The following PARVB variants were observed in gnomAD, a reference collection of about 807,000 sequenced individuals.
PARVB encodes the protein beta-parvin.
In PARVB, 46 loss-of-function variants were observed where a neutral mutation model predicts 47.0. The ratio of observed to expected loss-of-function variants is 0.98; its 90% CI spans 0.77 to 1.25. The LOEUF is 1.25. Ranked by LOEUF, PARVB falls within the 50% of genes most tolerant of loss-of-function variation. The pLI is 0.00. For missense variants in PARVB, 473 were observed against 471.6 expected, an observed-to-expected ratio of 1.00 and a Z score of -0.03; for synonymous variants, 196 against 196.3, an observed-to-expected ratio of 1.00 and a Z score of 0.01.
intron 1 of PARVB, among the ~76,000 whole-genome samples, chr22:44,046,967 G>A (rs892897915): frequency 6.6e-6 from 1 of 152,162 alleles, no homozygotes; most frequent in Non-Finnish European, 1.5e-5. Context: ...CGGTGTGCGG[G>A]GGGTGGGGAT....
At chr22:44,015,889 C>T (rs149037174) in intron 2 of PARVB, among the ~76,000 whole-genome samples, 14 of 152,214 alleles carry the variant, frequency 9.2e-5, no homozygotes, top group African/African-American at 3.4e-4. Context: ...ACAAATGATA[C>T]ACCTAGCTCT....
chr22:44,018,376 T>A (rs1415062822), intron 2 of PARVB, among the ~76,000 whole-genome samples: 1 of 152,176 alleles, frequency 6.6e-6, no homozygotes, highest in Non-Finnish European at 1.5e-5. Context: ...CACTCCAGCC[T>A]GGGCGACAAG....
At chr22:44,050,982 A>G (rs931034777) in intron 1 of PARVB, among the ~76,000 whole-genome samples, 1 of 152,144 alleles carries the variant, frequency 6.6e-6, no homozygotes, top group Non-Finnish European at 1.5e-5. Flanking sequence ...TGCCACAGGG[A>G]CACCCCTTTC....
chr22:44,055,916 C>A (rs1257027907), intron 1 of PARVB, among the ~76,000 whole-genome samples: 1 of 152,100 alleles, frequency 6.6e-6, no homozygotes, highest in Non-Finnish European at 1.5e-5. Context: ...TCTGTTGTAC[C>A]CAGTCTACCG....
chr22:44,007,831 G>A (rs562514954), intron 2 of PARVB, among the ~76,000 whole-genome samples: 1 of 152,036 alleles, frequency 6.6e-6, no homozygotes, highest in Non-Finnish European at 1.5e-5. Context: ...TCCCAATTCG[G>A]TCCTTCCCAG....
At chr22:44,158,207 A>C in intron 11 of PARVB, 124 bp downstream of exon 11, 1 of 641,220 alleles carries the variant, frequency 1.6e-6, no homozygotes, top group Non-Finnish European at 2.8e-6. Context: ...AAAAATGCAC[A>C]AGTGATATTG....
At chr22:44,052,655 G>T (rs12484230) in intron 1 of PARVB, among the ~76,000 whole-genome samples, 1 of 152,200 alleles carries the variant, frequency 6.6e-6, no homozygotes, top group Admixed American at 6.5e-5. Context: ...ACAAAAGTAG[G>T]TGGGGGGCTG....
In PARVB at chr22:44,087,861, T is replaced by C. The variant is rs1451151279; in HGVS notation, c.113-6067T>C. On this transcript the variant is annotated intron_variant, in intron 1 of 12. Coordinates refer to ENST00000338758, the MANE Select transcript of PARVB (RefSeq NM_013327.5). ...GAACGATGGTGTTTTTTTTTTTTTTTTTCTTTTTTCTTTTTTTTAAACCTT... is the reference window on the plus strand; with the variant it reads ...GAACGATGGTGTTTTTTTTTTTTTTCTTCTTTTTTCTTTTTTTTAAACCTT... 1.4e-5 allele frequency among the ~76,000 whole-genome samples: 2 copies of C among 147,994 alleles called. 1 individual carries two copies. Among genetic ancestry groups the C allele is most frequent in the African/African-American group, 5.1e-5 (2 of 39,150 alleles).
chr22:44,005,276 T>A (rs1362884758), intron 2 of PARVB, among the ~76,000 whole-genome samples: 1 of 9,096 alleles, frequency 1.1e-4, no homozygotes, highest in African/African-American at 4.7e-4. Flanking sequence ...ATTTTTTCTA[T>A]TTTTTTTTTT....
chr22:44,101,446 A>G (rs2052446149), intron 3 of PARVB, among the ~76,000 whole-genome samples: 1 of 147,728 alleles, frequency 6.8e-6, no homozygotes, highest in African/African-American at 2.5e-5. Context: ...TATAAAATAA[A>G]ATAAAATAAA....
intron 1 of PARVB, among the ~76,000 whole-genome samples, chr22:44,088,242 C>T (rs577817245): frequency 5.1e-4 from 77 of 152,190 alleles, no homozygotes; most frequent in Non-Finnish European, 8.5e-4. Context: ...AAGGCAAGTT[C>T]GGGAAGGAGA....
At chr22:44,135,765 G>A (rs1287113046) in intron 6 of PARVB, among the ~76,000 whole-genome samples, 2 of 152,148 alleles carry the variant, frequency 1.3e-5, no homozygotes, top group African/African-American at 4.8e-5. Context: ...CTAGGGGAGG[G>A]GTCTTCCTGC....
chr22:44,021,759 TCA>T (rs3223605), upstream of PARVB, among the ~76,000 whole-genome samples: 9,532 of 102,052 alleles, frequency 0.093, 382 homozygotes, highest in Non-Finnish European at 0.11. Context: ...AAGTCTAGAC[TCA>T]CACACACACA....
At position 44,068,916 on chromosome 22, in the gene PARVB, G is replaced by A. The variant is rs1351369358; in HGVS notation, c.113-25012G>A. ...TTGCCCTGGCCCATGAGGCTGATGG[G>A]AGTCAAGACAGAAATAGTGGTCTGT... On this transcript the variant is annotated intron_variant, in intron 1 of 12. Coordinates refer to ENST00000338758, the MANE Select transcript of PARVB (RefSeq NM_013327.5). The surrounding 1 kb of genome is among the most constrained non-coding windows in gnomAD (Gnocchi z 4.1). 7.1e-6 allele frequency: 4 copies of A among 561,748 alleles called. No homozygotes were observed. The highest frequency in any genetic ancestry group is 1.9e-5 in the African/African-American group (1 of 53,226). 34.8% of individuals were successfully genotyped at this position (561,748 alleles called of 1,614,324 possible). A position where few individuals can be genotyped will look rare whatever the true frequency, so the allele number is the denominator to read the frequency against.
Position 44,136,502 on chromosome 22 carries a change from C to A in PARVB, c.676C>A (p.Leu226Met), listed in dbSNP as rs1442931610. 1 of 1,613,804 alleles carries A rather than the reference C, an allele frequency of 6.2e-7. No individual in the cohort carries two copies. Among genetic ancestry groups the A allele is most frequent in the East Asian group, 2.2e-5 (1 of 44,880 alleles). The change falls in exon 7 of 13, where the codon CTG becomes ATG. Residue 226 changes from leucine to methionine, a missense_variant. By Grantham distance (15) the Leu-to-Met change is conservative. Coordinates refer to ENST00000338758, the MANE Select transcript of PARVB (RefSeq NM_013327.5). The stretch of plus-strand genomic sequence containing the variant: ...GCATTCCAGCCACATCTCGGAGGAG[C>A]TGACCACAACTACAGAGTAAGTGGA... ...LLHSSHISEELTTTTEMMMGR... is the reference protein window; with the variant it reads ...LLHSSHISEEMTTTTEMMMGR...
intron 10 of PARVB, among the ~76,000 whole-genome samples, chr22:44,154,764 G>A (rs1164416226): frequency 2.0e-5 from 3 of 150,094 alleles, no homozygotes; most frequent in Non-Finnish European, 4.4e-5. Flanking sequence ...TCTGTGTGGT[G>A]TGTGTGTGGT....
At chr22:44,035,812 A>G (rs982592223) in intron 1 of PARVB, among the ~76,000 whole-genome samples, 2 of 148,692 alleles carry the variant, frequency 1.3e-5, no homozygotes, top group African/African-American at 5.0e-5. Flanking sequence ...TTTTTTTTTT[A>G]CTATGATATG....
intron 5 of PARVB, among the ~76,000 whole-genome samples, chr22:44,132,453 G>A (rs944941935): frequency 6.6e-6 from 1 of 152,320 alleles, no homozygotes; most frequent in Admixed American, 6.5e-5. Context: ...TGTCCCCAGA[G>A]TGGCCTCTGC....
chr22:44,121,361 C>T (rs2053043347), intron 4 of PARVB, among the ~76,000 whole-genome samples: 1 of 152,070 alleles, frequency 6.6e-6, no homozygotes, highest in Non-Finnish European at 1.5e-5. Flanking sequence ...TTGTGAACGT[C>T]CTGTTCACCC....
Sources: gnomAD v4.1 joint callset for allele counts (sites outside exome capture counted in the v4.1 genomes callset) on GRCh38, gnomAD v4.1.1 for gene constraint, Gnocchi (gnomAD v3.1) non-coding constraint, MANE v1.5 for transcripts, NCBI Gene and HGNC (gene_info 2026-07-23, HGNC 2026-07-21) for gene names.